The following FAT3 variants were observed in gnomAD, a reference collection of about 807,000 sequenced individuals.
FAT3 encodes FAT atypical cadherin 3.
In FAT3, 95 loss-of-function variants were observed where a neutral mutation model predicts 310.2. That is an observed-to-expected ratio of 0.31 (90% CI 0.26 to 0.36). The LOEUF (loss-of-function observed/expected upper bound fraction) is 0.36, where lower values mean the gene tolerates loss of function less well. Among genes scored for constraint, FAT3 ranks in the 10% least tolerant of loss-of-function variants. FAT3 has a pLI of 1.00. For synonymous variants in FAT3, 2,314 were observed against 2,192.9 expected (o/e 1.06, Z -1.54); for missense variants, 5,408 against 5,715.6 (o/e 0.95, Z 1.74).
At chr11:92,729,152 C>T (rs1464392333) in intron 4 of FAT3, among the ~76,000 whole-genome samples, 1 of 151,904 alleles carries the variant, frequency 6.6e-6, no homozygotes, top group African/African-American at 2.4e-5. Flanking sequence ...TGTTTTTTCC[C>T]GACTCTGCTA....
chr11:92,678,532 G>A (rs942481164), intron 3 of FAT3, among the ~76,000 whole-genome samples: 1 of 152,106 alleles, frequency 6.6e-6, no homozygotes, highest in African/African-American at 2.4e-5. Flanking sequence ...TTGCACTGGG[G>A]ATTAAGTTTC....
intron 3 of FAT3, among the ~76,000 whole-genome samples, chr11:92,694,240 C>T (rs1336370966): frequency 6.6e-6 from 1 of 152,184 alleles, no homozygotes; most frequent in Non-Finnish European, 1.5e-5. Flanking sequence ...CATCTGATTT[C>T]CTACCGATTT....
At chr11:92,292,435 G>T (rs1378970874) in intron 1 of FAT3, among the ~76,000 whole-genome samples, 1 of 152,022 alleles carries the variant, frequency 6.6e-6, no homozygotes, top group Non-Finnish European at 1.5e-5. Context: ...TGGGAAGTGA[G>T]GTGAGACAGC....
intron 3 of FAT3, among the ~76,000 whole-genome samples, chr11:92,696,481 C>T (rs550007476): frequency 6.6e-5 from 10 of 152,134 alleles, no homozygotes; most frequent in Non-Finnish European, 1.2e-4. Flanking sequence ...CACATTGCAC[C>T]TACCTCACCA....
chr11:92,545,611 C>T (rs954922389), intron 3 of FAT3, among the ~76,000 whole-genome samples: 2 of 152,104 alleles, frequency 1.3e-5, no homozygotes, highest in African/African-American at 4.8e-5. Context: ...AAGCCAAGGG[C>T]CAGGTAGTCG....
At chr11:92,258,688 G>A (rs1865412520) in intron 1 of FAT3, among the ~76,000 whole-genome samples, 1 of 152,076 alleles carries the variant, frequency 6.6e-6, no homozygotes, top group Non-Finnish European at 1.5e-5. Flanking sequence ...AAAAATGTGA[G>A]CATCTTAACA....
intron 13 of FAT3, among the ~76,000 whole-genome samples, chr11:92,820,049 G>T (rs886161776): frequency 1.3e-5 from 2 of 152,198 alleles, no homozygotes; most frequent in African/African-American, 4.8e-5. Context: ...CAGAAGTGAT[G>T]ATATCACTTC....
At chr11:92,424,254 A>T (rs947119170) in intron 2 of FAT3, among the ~76,000 whole-genome samples, 1 of 152,084 alleles carries the variant, frequency 6.6e-6, no homozygotes, top group African/African-American at 2.4e-5. Context: ...AAAGGGGTTG[A>T]TGTCTCACTT....
At chr11:92,522,204 C>A (rs1020391272) in intron 2 of FAT3, among the ~76,000 whole-genome samples, 5 of 152,146 alleles carry the variant, frequency 3.3e-5, no homozygotes, top group African/African-American at 1.2e-4. Flanking sequence ...CAGCTTAGTT[C>A]CCTGTCACTT....
At chr11:92,302,317 T>C (rs569306950) in intron 1 of FAT3, among the ~76,000 whole-genome samples, 1 of 152,238 alleles carries the variant, frequency 6.6e-6, no homozygotes, top group African/African-American at 2.4e-5. Flanking sequence ...AGGCTTTTTT[T>C]TTCTGTAACA....
chr11:92,741,172 A>G (rs1397878133), intron 4 of FAT3, among the ~76,000 whole-genome samples: 4 of 152,104 alleles, frequency 2.6e-5, no homozygotes, highest in Admixed American at 6.5e-5. Context: ...CTCCCCAGTA[A>G]CTGGGACCAA....
At chr11:92,365,982 A>G (rs947677680) in intron 2 of FAT3, among the ~76,000 whole-genome samples, 1 of 152,222 alleles carries the variant, frequency 6.6e-6, no homozygotes, top group African/African-American at 2.4e-5. Flanking sequence ...ATTGATCTCA[A>G]CCTGCTAGAG....
chr11:92,422,294 A>G (rs1020642555), intron 2 of FAT3, among the ~76,000 whole-genome samples: 3 of 152,140 alleles, frequency 2.0e-5, no homozygotes, highest in Non-Finnish European at 4.4e-5. Context: ...GGGCTCTACT[A>G]GCCCCTGGAT....
At chr11:92,379,664 G>A (rs184798769) in intron 2 of FAT3, among the ~76,000 whole-genome samples, 21 of 146,750 alleles carry the variant, frequency 1.4e-4, no homozygotes, top group Admixed American at 4.0e-4. Flanking sequence ...TGGATTTGGC[G>A]TACTCATCTC....
chr11:92,777,951 CTA>C (rs2094150517), intron 7 of FAT3, among the ~76,000 whole-genome samples: 1 of 151,926 alleles, frequency 6.6e-6, no homozygotes, highest in Admixed American at 6.6e-5. Flanking sequence ...AGAAATGAGT[CTA>C]TGTTGGATCT....
At chr11:92,725,297 A>G (rs1944967600) in intron 4 of FAT3, among the ~76,000 whole-genome samples, 1 of 152,172 alleles carries the variant, frequency 6.6e-6, no homozygotes. Context: ...TCCCAGCTCC[A>G]CTGACATCTG....
intron 2 of FAT3, among the ~76,000 whole-genome samples, chr11:92,385,624 T>C (rs1002908619): frequency 1.3e-5 from 2 of 152,148 alleles, no homozygotes; most frequent in Middle Eastern, 3.4e-3. Flanking sequence ...TGCCTCGGCC[T>C]ACCAAAGTGC....
chr11:92,284,984 A>G (rs766942448), intron 1 of FAT3, among the ~76,000 whole-genome samples: 2 of 152,160 alleles, frequency 1.3e-5, no homozygotes, highest in African/African-American at 2.4e-5. Flanking sequence ...CTCATGGGTG[A>G]TAGAATTTTC....
chr11:92,442,148 C>G (rs1199317129), intron 2 of FAT3, among the ~76,000 whole-genome samples: 1 of 92,800 alleles, frequency 1.1e-5, no homozygotes, highest in East Asian at 3.6e-4. Flanking sequence ...GAGTCTCTCT[C>G]TGTTGCCCAG....
Sources: gnomAD v4.1 joint callset for allele counts (sites outside exome capture counted in the v4.1 genomes callset) on GRCh38, gnomAD v4.1.1 for gene constraint, MANE v1.5 for transcripts, NCBI Gene and HGNC (gene_info 2026-07-23, HGNC 2026-07-21) for gene names.